The following NAV2 variants were observed in gnomAD, a reference collection of about 807,000 sequenced individuals.
The protein encoded by NAV2 is helicase, APC down-regulated 1.
In NAV2, 54 loss-of-function variants were observed where a neutral mutation model predicts 223.2. The observed-to-expected ratio is 0.24, with a 90% CI of 0.19 to 0.30. The LOEUF (loss-of-function observed/expected upper bound fraction) is 0.30, where lower values mean the gene tolerates loss of function less well. Ranked by LOEUF, NAV2 falls within the 10% of genes least tolerant of loss-of-function variation. The probability of loss-of-function intolerance (pLI) is 1.00; values close to 1 mark genes in which losing one functional copy is unlikely to be tolerated. For synonymous variants in NAV2, 1,279 were observed against 1,239.3 expected (o/e 1.03, Z -0.67); for missense variants, 2,806 against 3,147.5 (o/e 0.89, Z 2.60).
At chr11:19,626,236 T>A (rs766334470) in intron 1 of NAV2, among the ~76,000 whole-genome samples, 50 of 152,218 alleles carry the variant, frequency 3.3e-4, no homozygotes, top group Non-Finnish European at 5.4e-4. Flanking sequence ...AGGTCTGTTT[T>A]CATTCTTTTA....
chr11:19,539,451 GT>G (rs1176146270), intron 1 of NAV2, among the ~76,000 whole-genome samples: 1 of 152,092 alleles, frequency 6.6e-6, no homozygotes, highest in African/African-American at 2.4e-5. Context: ...TAATCACATT[GT>G]GAAATACTTA....
chr11:19,785,425 C>A (rs949819932), intron 1 of NAV2, among the ~76,000 whole-genome samples: 15 of 152,170 alleles, frequency 9.9e-5, no homozygotes, highest in African/African-American at 3.6e-4. Context: ...ATGACATAAC[C>A]CTGCCATCTC....
chr11:19,393,907 T>TTTTC (rs1849345908), intron 1 of NAV2, among the ~76,000 whole-genome samples: 1 of 65,580 alleles, frequency 1.5e-5, no homozygotes, highest in South Asian at 5.3e-4. Context: ...TTTTTTTTTC[T>TTTTC]TTTTTTTTTT....
At chr11:19,962,891 T>G (rs1462314028) in intron 10 of NAV2, among the ~76,000 whole-genome samples, 1 of 152,234 alleles carries the variant, frequency 6.6e-6, no homozygotes, top group Non-Finnish European at 1.5e-5. Flanking sequence ...TTATCTCCAC[T>G]GCATCACTGG....
At chr11:19,475,213 G>A (rs1025732624) in intron 1 of NAV2, among the ~76,000 whole-genome samples, 4 of 152,234 alleles carry the variant, frequency 2.6e-5, no homozygotes, top group East Asian at 1.9e-4. Context: ...GAGCAACGGC[G>A]TGTGTAGCTG....
chr11:20,047,968 G>A (rs61879473), intron 14 of NAV2, among the ~76,000 whole-genome samples: 54,938 of 152,050 alleles, frequency 0.36, 12,637 homozygotes, highest in Non-Finnish European at 0.53. Context: ...AGTGGAAGAG[G>A]GGGCATTTAT....
chr11:19,902,637 T>G (rs1436842779), intron 6 of NAV2, among the ~76,000 whole-genome samples: 2 of 152,230 alleles, frequency 1.3e-5, no homozygotes, highest in African/African-American at 4.8e-5. Flanking sequence ...TTCCATCTGT[T>G]ACGTGGAAAC....
chr11:19,987,603 G>A (rs1394825274), intron 11 of NAV2, among the ~76,000 whole-genome samples: 3 of 152,212 alleles, frequency 2.0e-5, no homozygotes, highest in African/African-American at 7.2e-5. Context: ...ATGTGGCTGG[G>A]GTATCTTCAG....
chr11:19,977,931 A>C (rs1302149704), intron 10 of NAV2, among the ~76,000 whole-genome samples: 1 of 150,154 alleles, frequency 6.7e-6, no homozygotes, highest in Non-Finnish European at 1.5e-5. Context: ...CAGTCTCCCG[A>C]GTAGCTGGGA....
intron 22 of NAV2, among the ~76,000 whole-genome samples, chr11:20,070,033 C>T (rs1472034929): frequency 6.6e-6 from 1 of 152,102 alleles, no homozygotes. Context: ...ACGTAGGAGA[C>T]CACAACGTGT....
chr11:19,675,232 C>T (rs957659029), intron 1 of NAV2, among the ~76,000 whole-genome samples: 1 of 152,218 alleles, frequency 6.6e-6, no homozygotes, highest in Non-Finnish European at 1.5e-5. Flanking sequence ...TGGATGTACA[C>T]TTAAACTTTA....
At chr11:19,589,937 C>T (rs2046010557) in intron 1 of NAV2, among the ~76,000 whole-genome samples, 1 of 152,196 alleles carries the variant, frequency 6.6e-6, no homozygotes, top group Non-Finnish European at 1.5e-5. Flanking sequence ...AGGCTCAGCC[C>T]TGAGCTCACC....
intron 1 of NAV2, chr11:19,506,457 C>T (rs1420476805): frequency 6.6e-6 from 1 of 152,228 alleles, no homozygotes; most frequent in East Asian, 1.9e-4. Context: ...ACTGTGTGAC[C>T]TTGGACAAGT....
At chr11:19,688,246 G>T (rs1419915137) in intron 1 of NAV2, among the ~76,000 whole-genome samples, 1 of 152,206 alleles carries the variant, frequency 6.6e-6, no homozygotes, top group Non-Finnish European at 1.5e-5. Flanking sequence ...CCTTATATTT[G>T]TTGTACATAA....
intron 6 of NAV2, among the ~76,000 whole-genome samples, chr11:19,920,842 T>C (rs1241156387): frequency 6.6e-6 from 1 of 152,210 alleles, no homozygotes; most frequent in Non-Finnish European, 1.5e-5. Flanking sequence ...ATTATAATTA[T>C]CTGATTTTTA....
At chr11:19,831,226 G>GC (rs1299847050) in intron 1 of NAV2, among the ~76,000 whole-genome samples, 1 of 83,248 alleles carries the variant, frequency 1.2e-5, no homozygotes, top group Non-Finnish European at 2.7e-5. Context: ...AGTGTTGCGG[G>GC]GGGGGGGGGG....
At chr11:20,044,889 G>A (rs1230449881) in intron 13 of NAV2, 79 bp from the exon 14 acceptor site, 1 of 1,197,800 alleles carries the variant, frequency 8.3e-7, no homozygotes, top group African/African-American at 1.5e-5. Context: ...GCTCTTCAGA[G>A]GAGGAGAGCA....
At chr11:19,939,007 A>G (rs1317079663) in intron 7 of NAV2, among the ~76,000 whole-genome samples, 1 of 152,254 alleles carries the variant, frequency 6.6e-6, no homozygotes, top group East Asian at 1.9e-4. Context: ...AGCTGTGACA[A>G]GAAAACATTG....
chr11:19,484,469 TC>T (rs1260099839), intron 1 of NAV2, among the ~76,000 whole-genome samples: 3 of 152,216 alleles, frequency 2.0e-5, no homozygotes, highest in African/African-American at 7.2e-5. Context: ...AACTGACACT[TC>T]CTGTGCCTAG....
Sources: gnomAD v4.1 joint callset for allele counts (sites outside exome capture counted in the v4.1 genomes callset) on GRCh38, gnomAD v4.1.1 for gene constraint, MANE v1.5 for transcripts, NCBI Gene and HGNC (gene_info 2026-07-23, HGNC 2026-07-21) for gene names.